Variants in CSMD2 observed in about 807,000 individuals in gnomAD.
CSMD2 encodes CUB and Sushi multiple domains 2.
A neutral mutation model predicts 398.5 loss-of-function variants in CSMD2; 130 were observed. The observed-to-expected ratio is 0.33, with a 90% CI of 0.28 to 0.38. CSMD2 has a LOEUF of 0.38. CSMD2 is among the 10% of genes least tolerant of loss of function. The probability of loss-of-function intolerance (pLI) is 1.00; values close to 1 mark genes in which losing one functional copy is unlikely to be tolerated. For synonymous variants in CSMD2, 1,828 were observed against 1,908.5 expected (o/e 0.96, Z 1.10); for missense variants, 3,829 against 4,764.9 (o/e 0.80, Z 5.78).
At chr1:34,098,661 TA>T (rs144425428) in intron 1 of CSMD2, among the ~76,000 whole-genome samples, 310 of 151,656 alleles carry the variant, frequency 2.0e-3, no homozygotes, top group African/African-American at 6.8e-3. Flanking sequence ...CAGGCAATAT[TA>T]AAAAAAATTG....
chr1:33,541,237 G>A lies in CSMD2; in HGVS notation c.9350C>T (p.Thr3117Ile), dbSNP rs1175767252. The change falls in exon 59 of 71, where the codon ACT becomes ATT. Residue 3117 changes from threonine (T) to isoleucine (I), a missense_variant. Transcript: ENST00000373381. ...GCCAGGGACACACTGATATGTCACA[G>A]TTTTGTTGTACCTGAAGTCATTGCC... is the stretch of plus-strand genomic sequence containing the variant. Reference protein sequence around the residue: ...RLGNDFRYNKTVTYQCVPGYM... With the variant: ...RLGNDFRYNKIVTYQCVPGYM... 2 of 1,613,922 alleles carry A rather than the reference G, an allele frequency of 1.2e-6. No homozygotes were observed. The highest frequency in any genetic ancestry group is 2.7e-5 in the African/African-American group (2 of 74,898).
intron 57 of CSMD2, among the ~76,000 whole-genome samples, chr1:33,543,139 C>T (rs553862952): frequency 2.0e-5 from 3 of 152,280 alleles, no homozygotes; most frequent in East Asian, 1.9e-4. Context: ...ATTCTATTAT[C>T]GTCCTTAAAA....
chr1:33,677,103 G>T lies in CSMD2; in HGVS notation c.4053-14011C>A, dbSNP rs1160102475. Among the ~76,000 whole-genome samples, 3 of 152,138 alleles carry T rather than the reference G, an allele frequency of 2.0e-5. No homozygotes were observed. In the East Asian group the frequency reaches 5.8e-4, roughly 29 times the overall value. On this transcript the variant is annotated intron_variant, in intron 25 of 70. Transcript: ENST00000373381. ...AGCAATGGGAACAAAAGCCAAAATT[G>T]ACAAATGGGATCTAATTAAACTAAA...
intron 19 of CSMD2, among the ~76,000 whole-genome samples, chr1:33,719,113 T>G (rs576309213): frequency 6.6e-6 from 1 of 152,290 alleles, no homozygotes; most frequent in Non-Finnish European, 1.5e-5. Context: ...TTGGGAAGGC[T>G]TCACGGGGGT....
intron 5 of CSMD2, among the ~76,000 whole-genome samples, chr1:33,855,062 G>C (rs1171697149): frequency 6.6e-6 from 1 of 152,176 alleles, no homozygotes. Context: ...AACAGGGTTG[G>C]GTCTGAAGAT....
intron 37 of CSMD2, among the ~76,000 whole-genome samples, chr1:33,620,097 T>TTATGC (rs1195371005): frequency 1.6e-4 from 25 of 152,214 alleles, no homozygotes; most frequent in Non-Finnish European, 2.8e-4. Flanking sequence ...CCATTCTAAC[T>TTATGC]TATCTTATGC....
At chr1:33,766,824 G>T (rs755101988) in intron 13 of CSMD2, among the ~76,000 whole-genome samples, 1 of 152,236 alleles carries the variant, frequency 6.6e-6, no homozygotes, top group Non-Finnish European at 1.5e-5. Context: ...AGATAAACAT[G>T]AAATAGAGGC....
At chr1:33,524,248 G>T (rs963650188) in intron 66 of CSMD2, among the ~76,000 whole-genome samples, 3 of 152,000 alleles carry the variant, frequency 2.0e-5, no homozygotes, top group African/African-American at 7.3e-5. Context: ...AAATTTTCTA[G>T]TTCCAGTTTT....
chr1:33,939,004 G>A lies in CSMD2; in HGVS notation c.518-3050C>T, dbSNP rs546469487. On this transcript the variant is annotated intron_variant, in intron 3 of 70. Transcript: ENST00000373381. ...ATCTTTTGCTCTTGGCTTACTTGGC[G>A]TTTCCCGTGATCCCCTGCTGCTGGT... 5.6e-4 allele frequency among the ~76,000 whole-genome samples: 71 copies of A among 125,810 alleles called. 2 individuals carry two copies. In the South Asian group the frequency reaches 0.016, roughly 28 times the overall value. The allele number at this position is 125,810 out of a possible 152,430, so 82.5% of individuals were successfully genotyped here.
intron 60 of CSMD2, among the ~76,000 whole-genome samples, chr1:33,538,960 GA>G (rs1002777294): frequency 5.3e-5 from 8 of 152,106 alleles, no homozygotes; most frequent in Admixed American, 2.6e-4. Flanking sequence ...TTTGCTGCAG[GA>G]GTAAAGAAAG....
intron 44 of CSMD2, among the ~76,000 whole-genome samples, chr1:33,594,224 G>A (rs1308756623): frequency 6.6e-6 from 1 of 152,130 alleles, no homozygotes; most frequent in Non-Finnish European, 1.5e-5. Context: ...TTCATCCGGA[G>A]TTACAGCCAC....
chr1:33,860,248 C>G (rs1047714864), intron 5 of CSMD2, among the ~76,000 whole-genome samples: 7 of 152,188 alleles, frequency 4.6e-5, no homozygotes, highest in Admixed American at 1.3e-4. Context: ...GTTTCTTAGC[C>G]TTGCCCTGGT....
chr1:34,074,167 G>A (rs1656056186), intron 2 of CSMD2, among the ~76,000 whole-genome samples: 1 of 152,182 alleles, frequency 6.6e-6, no homozygotes, highest in South Asian at 2.1e-4. Flanking sequence ...CACGAGATTT[G>A]GGCAGGGATA....
chr1:34,089,209 G>T lies in CSMD2; in HGVS notation c.188-16C>A. 6.2e-7 allele frequency: 1 copy of T among 1,610,948 alleles called. No homozygotes were observed. Among genetic ancestry groups the T allele is most frequent in the Non-Finnish European group, 8.5e-7 (1 of 1,177,520 alleles). On this transcript the variant is annotated splice_polypyrimidine_tract_variant and intron_variant, in intron 1 of 70. Transcript: ENST00000373381. ...CAGTTCTGGCCTGGGAAAGAGAAAT[G>T]GAGCAGTTCAGAATAGCCAGAATAA...
intron 3 of CSMD2, among the ~76,000 whole-genome samples, chr1:33,938,743 C>T (rs1444395053): frequency 2.8e-5 from 3 of 107,848 alleles, no homozygotes; most frequent in African/African-American, 3.7e-5. Flanking sequence ...TATGATCCCA[C>T]ACTGCTGGCT....
chr1:33,887,631 C>A (rs1641693506), intron 5 of CSMD2, among the ~76,000 whole-genome samples: 1 of 152,066 alleles, frequency 6.6e-6, no homozygotes, highest in Non-Finnish European at 1.5e-5. Context: ...AACTCTAGAA[C>A]TAATTTTGCT....
At chr1:34,006,156 C>G (rs1245041800) in intron 3 of CSMD2, among the ~76,000 whole-genome samples, 1 of 152,232 alleles carries the variant, frequency 6.6e-6, no homozygotes, top group Admixed American at 6.5e-5. Context: ...GTTCATCACT[C>G]ACTCCATCCT....
chr1:34,163,084 C>T lies in CSMD2; in HGVS notation c.187+1827G>A, dbSNP rs1641506484. 6.6e-6 allele frequency among the ~76,000 whole-genome samples: 1 copy of T among 152,178 alleles called. No individual in the cohort carries two copies. The highest frequency in any genetic ancestry group is 6.5e-5 in the Admixed American group (1 of 15,288). On this transcript the variant is annotated intron_variant, in intron 1 of 70. Transcript: ENST00000373381. This position sits in a 1 kb window ranked among gnomAD's most constrained non-coding sequence, Gnocchi z 5.4. ...GCCGGTGAGTCGGCCTTTTTCTCTCCCCTAGGGGCAGGATATGCCCAAGGG... is the reference window on the plus strand; with the variant it reads ...GCCGGTGAGTCGGCCTTTTTCTCTCTCCTAGGGGCAGGATATGCCCAAGGG...
At chr1:33,919,616 G>A (rs1267588510) in intron 4 of CSMD2, among the ~76,000 whole-genome samples, 9 of 152,106 alleles carry the variant, frequency 5.9e-5, no homozygotes. Context: ...AGCACCTACT[G>A]TGGGCCAAAT....
Sources: gnomAD v4.1 joint callset for allele counts (sites outside exome capture counted in the v4.1 genomes callset) on GRCh38, gnomAD v4.1.1 for gene constraint, Gnocchi (gnomAD v3.1) non-coding constraint, MANE v1.5 for transcripts, NCBI Gene and HGNC (gene_info 2026-07-23, HGNC 2026-07-21) for gene names.